The following SGCZ variants were observed in gnomAD, a reference collection of about 807,000 sequenced individuals.
SGCZ encodes the protein zeta-sarcoglycan.
In SGCZ, 40 loss-of-function variants were observed where a neutral mutation model predicts 41.3. The observed-to-expected ratio is 0.97, with a 90% CI of 0.75 to 1.26. The LOEUF is 1.26. SGCZ is among the 50% of genes most tolerant of loss of function. The probability of loss-of-function intolerance (pLI) is 0.00; values close to 1 mark genes in which losing one functional copy is unlikely to be tolerated. For synonymous variants in SGCZ, 206 were observed against 137.5 expected (o/e 1.50, Z -3.49); for missense variants, 552 against 369.8 (o/e 1.49, Z -4.04).
chr8:14,456,291 C>T (rs1473214095), intron 2 of SGCZ, among the ~76,000 whole-genome samples: 1 of 152,042 alleles, frequency 6.6e-6, no homozygotes. Context: ...GCCTATAATC[C>T]CAGCTACTTG....
intron 1 of SGCZ, among the ~76,000 whole-genome samples, chr8:15,051,557 G>A (rs1006083314): frequency 6.6e-6 from 1 of 151,936 alleles, no homozygotes; most frequent in African/African-American, 2.4e-5. Flanking sequence ...TGCTAGGGTA[G>A]GTGTATGTTA....
At chr8:14,489,825 T>G (rs1801789556) in intron 2 of SGCZ, among the ~76,000 whole-genome samples, 1 of 144,496 alleles carries the variant, frequency 6.9e-6, no homozygotes, top group Admixed American at 7.0e-5. Flanking sequence ...TCTCCTAACA[T>G]CATGCAGCAG....
chr8:14,391,548 G>C, intron 2 of SGCZ, among the ~76,000 whole-genome samples: 1 of 152,232 alleles, frequency 6.6e-6, no homozygotes, highest in East Asian at 1.9e-4. Flanking sequence ...GAAGTAGGAA[G>C]TGTGGCTAGA....
intron 1 of SGCZ, among the ~76,000 whole-genome samples, chr8:14,669,644 G>C (rs891659069): frequency 3.3e-5 from 5 of 151,042 alleles, no homozygotes; most frequent in African/African-American, 1.2e-4. Context: ...TATCACAAAT[G>C]GCAGCACTTG....
intron 1 of SGCZ, among the ~76,000 whole-genome samples, chr8:14,708,764 A>G (rs982307561): frequency 2.0e-5 from 3 of 151,872 alleles, no homozygotes; most frequent in East Asian, 1.9e-4. Context: ...ACAAGATTCT[A>G]TATGATATGG....
chr8:14,977,906 C>CACAA (rs1003051024), intron 1 of SGCZ, among the ~76,000 whole-genome samples: 7 of 113,392 alleles, frequency 6.2e-5, no homozygotes, highest in African/African-American at 2.2e-4. Flanking sequence ...CACACACACA[C>CACAA]ACACATATAT....
At chr8:15,082,886 C>T (rs914335737) in intron 1 of SGCZ, among the ~76,000 whole-genome samples, 5 of 152,074 alleles carry the variant, frequency 3.3e-5, no homozygotes, top group East Asian at 1.9e-4. Context: ...AGACTGTTTA[C>T]GTACAAAAGG....
rs80043145 is a variant in SGCZ at position 14,326,361 on chromosome 8, T to C, written c.235-2157A>G. Among the ~76,000 whole-genome samples, 239 of 152,120 alleles carry C rather than the reference T, an allele frequency of 1.6e-3. 7 individuals carry two copies. In the East Asian group the frequency reaches 0.038, roughly 24 times the overall value. On this transcript the variant is annotated intron_variant, in intron 2 of 7. Transcript: ENST00000382080. ...ATTGAGGTAGAATTATATAACATTA[T>C]GATATCAGCAACAGAAAATACGTTA...
intron 1 of SGCZ, among the ~76,000 whole-genome samples, chr8:14,648,795 T>C (rs963571688): frequency 6.6e-6 from 1 of 152,018 alleles, no homozygotes; most frequent in African/African-American, 2.4e-5. Flanking sequence ...ACCAATAATA[T>C]CTGAATCTCA....
intron 1 of SGCZ, among the ~76,000 whole-genome samples, chr8:14,593,631 T>C (rs1449623565): frequency 2.0e-5 from 3 of 152,094 alleles, no homozygotes; most frequent in Non-Finnish European, 4.4e-5. Context: ...TAGGAAGCCT[T>C]GTATGTGAAA....
chr8:14,643,842 A>G (rs891691522), intron 1 of SGCZ, among the ~76,000 whole-genome samples: 2 of 151,764 alleles, frequency 1.3e-5, no homozygotes, highest in African/African-American at 4.8e-5. Flanking sequence ...CCCTCTTTTC[A>G]CAGCTTAACG....
intron 1 of SGCZ, among the ~76,000 whole-genome samples, chr8:14,752,215 T>C (rs900962575): frequency 2.0e-5 from 3 of 151,446 alleles, no homozygotes; most frequent in Non-Finnish European, 4.4e-5. Context: ...CTATTTAAAC[T>C]GGTTTTCGCA....
chr8:15,067,360 T>A (rs1489472605), intron 1 of SGCZ, among the ~76,000 whole-genome samples: 1 of 152,222 alleles, frequency 6.6e-6, no homozygotes, highest in East Asian at 1.9e-4. Flanking sequence ...GCCATGTGTT[T>A]TAGAACTAGA....
intron 1 of SGCZ, among the ~76,000 whole-genome samples, chr8:14,944,101 A>G (rs569568613): frequency 6.6e-6 from 1 of 152,284 alleles, no homozygotes; most frequent in East Asian, 1.9e-4. Context: ...TAATAATTCA[A>G]CGTCTAACTT....
At chr8:14,396,982 T>C (rs1379482481) in intron 2 of SGCZ, among the ~76,000 whole-genome samples, 1 of 152,200 alleles carries the variant, frequency 6.6e-6, no homozygotes, top group Non-Finnish European at 1.5e-5. Flanking sequence ...TATAAGATTG[T>C]TGTTGAAAAT....
At chr8:14,117,808 C>A (rs1802571309) in intron 5 of SGCZ, among the ~76,000 whole-genome samples, 1 of 151,506 alleles carries the variant, frequency 6.6e-6, no homozygotes, top group East Asian at 2.0e-4. Flanking sequence ...TTGTTCAATT[C>A]CCACTTATGA....
intron 2 of SGCZ, among the ~76,000 whole-genome samples, chr8:14,335,005 G>A (rs931447199): frequency 6.6e-6 from 1 of 152,056 alleles, no homozygotes. Flanking sequence ...CTGGGACTGA[G>A]GAACTATTAG....
At chr8:14,427,748 A>G (rs1022481562) in intron 2 of SGCZ, among the ~76,000 whole-genome samples, 1 of 152,170 alleles carries the variant, frequency 6.6e-6, no homozygotes, top group Non-Finnish European at 1.5e-5. Flanking sequence ...AGGCAAATTA[A>G]AGAAGGCTGA....
intron 2 of SGCZ, among the ~76,000 whole-genome samples, chr8:14,529,053 A>G (rs939426523): frequency 2.6e-5 from 4 of 151,968 alleles, no homozygotes; most frequent in Non-Finnish European, 4.4e-5. Context: ...TCTCCTTCAT[A>G]CTGATCTACA....
Sources: gnomAD v4.1 joint callset for allele counts (sites outside exome capture counted in the v4.1 genomes callset) on GRCh38, gnomAD v4.1.1 for gene constraint, MANE v1.5 for transcripts, NCBI Gene and HGNC (gene_info 2026-07-23, HGNC 2026-07-21) for gene names.